ANKRD27: variants seen among roughly 807,000 people sequenced by gnomAD.
The protein encoded by ANKRD27 is ankyrin repeat domain 27.
In ANKRD27, 112 loss-of-function variants were observed where a neutral mutation model predicts 129.7. The ratio of observed to expected loss-of-function variants is 0.86; its 90% CI spans 0.74 to 1.01. The LOEUF is 1.01. Among genes scored for constraint, ANKRD27 ranks in the 50% least tolerant of loss-of-function variants. The probability of loss-of-function intolerance (pLI) is 0.00; values close to 1 mark genes in which losing one functional copy is unlikely to be tolerated. For missense variants in ANKRD27, 1,258 were observed against 1,300.5 expected, an observed-to-expected ratio of 0.97 and a Z score of 0.50; for synonymous variants, 516 against 511.2, an observed-to-expected ratio of 1.01 and a Z score of -0.13.
chr19:32,621,424 C>A (rs1009250337), intron 18 of ANKRD27, among the ~76,000 whole-genome samples: 6 of 152,242 alleles, frequency 3.9e-5, no homozygotes, highest in African/African-American at 1.4e-4. Flanking sequence ...GTCAGGAGTT[C>A]AAGACCAGCC....
chr19:32,614,011 T>C (rs531638695), intron 22 of ANKRD27, among the ~76,000 whole-genome samples: 85 of 152,240 alleles, frequency 5.6e-4, no homozygotes, highest in African/African-American at 1.9e-3. Flanking sequence ...GTAACGTTTT[T>C]GAAGTGACAG....
chr19:32,647,450 A>AG (rs749347792), intron 3 of ANKRD27, among the ~76,000 whole-genome samples: 37 of 152,202 alleles, frequency 2.4e-4, no homozygotes, highest in Admixed American at 4.6e-4. Context: ...GGAAGCAGGT[A>AG]GGTTCTGAGA....
At chr19:32,639,185 C>G (rs2042262) in intron 12 of ANKRD27, 171 bp downstream of exon 12, 10 of 703,630 alleles carry the variant, frequency 1.4e-5, no homozygotes, top group Non-Finnish European at 2.1e-5. Flanking sequence ...CAATTGAGGG[C>G]TTGGTGTTCT....
chr19:32,665,859 T>C (rs1018322915), intron 1 of ANKRD27, among the ~76,000 whole-genome samples: 4 of 151,910 alleles, frequency 2.6e-5, no homozygotes, highest in Non-Finnish European at 4.4e-5. Context: ...CTTCCTGGGT[T>C]CAAGCAATTC....
At chr19:32,666,793 T>C (rs1967767451) in intron 1 of ANKRD27, among the ~76,000 whole-genome samples, 1 of 151,960 alleles carries the variant, frequency 6.6e-6, no homozygotes, top group Non-Finnish European at 1.5e-5. Context: ...ATTACAGGTG[T>C]GCACTACCAC....
Position 32,651,447 on chromosome 19 carries a change from G to A in ANKRD27, c.103-1655C>T, listed in dbSNP as rs77318782. On this transcript the variant is annotated intron_variant, in intron 2 of 28. Transcript: ENST00000306065. ...TGCAGTGGCGTGATCTCGGCTCACTGCAAGTTCCGCCTCCCGGATTCACAC... is the reference window on the plus strand; with the variant it reads ...TGCAGTGGCGTGATCTCGGCTCACTACAAGTTCCGCCTCCCGGATTCACAC... 0.017 allele frequency among the ~76,000 whole-genome samples: 2,608 copies of A among 152,168 alleles called. 133 individuals are homozygous for A. The East Asian group carries it at 0.21, about 12-fold the overall frequency.
rs911847969 is a variant in ANKRD27 at position 32,604,341 on chromosome 19, T to C, written c.2577A>G (p.Val859=). 3 of 1,614,036 alleles carry C rather than the reference T, an allele frequency of 1.9e-6. No homozygotes were observed. The highest frequency in any genetic ancestry group is 2.5e-6 in the Non-Finnish European group (3 of 1,179,908). Reference sequence around the variant, plus strand: ...ACGCTCCGTGGAGCAGAAGCAGCTCTACCACGAAGACGTGCTTTTCAATCA... The same window carrying C: ...ACGCTCCGTGGAGCAGAAGCAGCTCCACCACGAAGACGTGCTTTTCAATCA... ...EAVIEKHVFV[V]ELLLLHGASV... is the part of the protein sequence containing the mutation. Residue 859 remains valine (V), a synonymous_variant, in exon 25 of 29, where the codon GTA becomes GTG. Coordinates refer to ENST00000306065, the MANE Select transcript of ANKRD27 (RefSeq NM_032139.3).
chr19:32,640,573 T>A (rs1967180267), intron 10 of ANKRD27, among the ~76,000 whole-genome samples, 188 bp from the exon 11 acceptor site: 1 of 152,210 alleles, frequency 6.6e-6, no homozygotes, highest in African/African-American at 2.4e-5. Flanking sequence ...GGGAAAAGAA[T>A]GCCCAGCAAT....
intron 13 of ANKRD27, 25 bp downstream of exon 13, chr19:32,631,377 C>A: frequency 6.3e-7 from 1 of 1,599,816 alleles, no homozygotes; most frequent in Non-Finnish European, 8.6e-7. Flanking sequence ...CCACATTTAC[C>A]CACAGAGATG....
At chr19:32,605,633 C>T (rs569399386) in intron 24 of ANKRD27, among the ~76,000 whole-genome samples, 3 of 152,316 alleles carry the variant, frequency 2.0e-5, no homozygotes, top group South Asian at 4.1e-4. Context: ...CCCTTGAGAC[C>T]GCATCCCAGA....
At chr19:32,640,565 GA>G (rs1476431172) in intron 10 of ANKRD27, among the ~76,000 whole-genome samples, 180 bp from the exon 11 acceptor site, 1 of 152,100 alleles carries the variant, frequency 6.6e-6, no homozygotes, top group Non-Finnish European at 1.5e-5. Flanking sequence ...GGTCCAGGGG[GA>G]AAAGAATGCC....
intron 9 of ANKRD27, 54 bp downstream of exon 9, chr19:32,643,069 A>T (rs1305718045): frequency 6.4e-7 from 1 of 1,569,086 alleles, no homozygotes; most frequent in Non-Finnish European, 8.7e-7. Context: ...CTTCCGGGAG[A>T]AGACAGCACC....
intron 23 of ANKRD27, among the ~76,000 whole-genome samples, 192 bp from the exon 24 acceptor site, chr19:32,606,146 T>C (rs1971731647): frequency 8.2e-6 from 1 of 121,740 alleles, no homozygotes; most frequent in African/African-American, 3.8e-5. Context: ...TTTTGGTTTT[T>C]CTTTCTTTTT....
rs182796674 is a variant in ANKRD27 at position 32,630,450 on chromosome 19, G to C, written c.1209+952C>G. On this transcript the variant is annotated intron_variant, in intron 13 of 28. Transcript: ENST00000306065. ...ACCGTGTTCCCAACCCAGTGCACACGCCCATAAACATCTGACAACGGGCTC... is the reference window on the plus strand; with the variant it reads ...ACCGTGTTCCCAACCCAGTGCACACCCCCATAAACATCTGACAACGGGCTC... Among the ~76,000 whole-genome samples the C allele has an allele frequency of 3.6e-3, 551 of 152,326 alleles. 15 individuals carry two copies. In the South Asian group the frequency reaches 0.065, roughly 18 times the overall value.
chr19:32,649,551 C>T (rs117928561), intron 3 of ANKRD27, 131 bp downstream of exon 3: 11 of 692,020 alleles, frequency 1.6e-5, no homozygotes, highest in East Asian at 5.1e-5. Flanking sequence ...CAGCCCCCCA[C>T]GGGGCTGCAG....
chr19:32,605,560 C>T (rs1366945482), intron 24 of ANKRD27, among the ~76,000 whole-genome samples: 1 of 152,230 alleles, frequency 6.6e-6, no homozygotes, highest in East Asian at 1.9e-4. Context: ...GCTCAGGTAA[C>T]AGCGTGACAC....
intron 4 of ANKRD27, among the ~76,000 whole-genome samples, chr19:32,644,856 G>A (rs1168609142): frequency 6.6e-6 from 1 of 152,204 alleles, no homozygotes; most frequent in Non-Finnish European, 1.5e-5. Context: ...CAGCCCTGAA[G>A]CTGACACCCA....
chr19:32,641,047 C>T lies in ANKRD27; in HGVS notation c.905-662G>A, dbSNP rs1051600678. Among the ~76,000 whole-genome samples, 11 of 151,972 alleles carry T rather than the reference C, an allele frequency of 7.2e-5. No homozygotes were observed. In the South Asian group the frequency reaches 8.4e-4, roughly 12 times the overall value. ...CTGAGCAGCTGGGACTACAGGTGCC[C>T]GCCACCATGCCCAGCTAATTTTTTT... On this transcript the variant is annotated intron_variant, in intron 10 of 28. Transcript: ENST00000306065.
intron 22 of ANKRD27, 23 bp downstream of exon 22, chr19:32,615,635 C>T (rs1971904526): frequency 2.5e-6 from 4 of 1,613,956 alleles, no homozygotes; most frequent in Non-Finnish European, 3.4e-6. Context: ...CCCTGACCTC[C>T]ACCAACAGAA....
Sources: gnomAD v4.1 joint callset for allele counts (sites outside exome capture counted in the v4.1 genomes callset) on GRCh38, gnomAD v4.1.1 for gene constraint, MANE v1.5 for transcripts, NCBI Gene and HGNC (gene_info 2026-07-23, HGNC 2026-07-21) for gene names.